Variants in ARHGEF10 observed in about 807,000 individuals in gnomAD.
The protein encoded by ARHGEF10 is Rho guanine nucleotide exchange factor (GEF) 10.
Under a neutral mutation model 147.4 loss-of-function variants are expected in ARHGEF10, and 140 were observed. The ratio of observed to expected loss-of-function variants is 0.95; its 90% CI spans 0.83 to 1.09. ARHGEF10 has a LOEUF of 1.09. Ranked by LOEUF, ARHGEF10 falls within the 50% of genes least tolerant of loss-of-function variation. The pLI, the probability that ARHGEF10 is intolerant of heterozygous loss-of-function variation, is 0.00. For missense variants in ARHGEF10, 2,222 were observed against 1,752.7 expected (o/e 1.27, Z -4.78); for synonymous variants, 902 against 695.8 (o/e 1.30, Z -4.67).
rs991010536 is a variant in ARHGEF10 at position 1,957,316 on chromosome 8, G to T, written c.*53G>T. Reference sequence around the variant, plus strand: ...ATTTGCAATCAAGGGTGACTTCTCAGCTAATCCTACAGCCTGAGTGGTTAA... The same window carrying T: ...ATTTGCAATCAAGGGTGACTTCTCATCTAATCCTACAGCCTGAGTGGTTAA... On this transcript the variant is annotated 3_prime_UTR_variant, in exon 29 of 29. Coordinates refer to ENST00000349830, the MANE Select transcript of ARHGEF10 (RefSeq NM_014629.4). The T allele has an allele frequency of 1.3e-6, 2 of 1,579,536 alleles. No individual in the cohort carries two copies. The highest frequency in any genetic ancestry group is 1.3e-5 in the African/African-American group (1 of 74,688).
intron 15 of ARHGEF10, among the ~76,000 whole-genome samples, chr8:1,900,333 A>G (rs936111937): frequency 6.6e-6 from 1 of 152,038 alleles, no homozygotes; most frequent in African/African-American, 2.4e-5. Context: ...GTTTCCATCC[A>G]CCTTCAGCCG....
At chr8:1,823,763 G>A (rs980275231), upstream of ARHGEF10, among the ~76,000 whole-genome samples, 1 of 151,866 alleles carries the variant, frequency 6.6e-6, no homozygotes. Flanking sequence ...CGGGCGTTGG[G>A]CAGCGGGAGG....
At position 1,956,819 on chromosome 8, in the gene ARHGEF10, C is replaced by T. The variant is rs199800515; in HGVS notation, c.3591C>T (p.His1197=). 23 of 1,614,048 alleles carry T rather than the reference C, an allele frequency of 1.4e-5. No individual in the cohort carries two copies. Among genetic ancestry groups the T allele is most frequent in the Middle Eastern group, 1.6e-4 (1 of 6,062 alleles). Residue 1197 remains histidine, a synonymous_variant, in exon 29 of 29, where the codon CAC becomes CAT. Coordinates refer to ENST00000349830, the MANE Select transcript of ARHGEF10 (RefSeq NM_014629.4). ...VKFIVLATAL[H]EKDKDKSRDS... ...TCATCGTCCTGGCCACGGCTCTGCA[C>T]GAGAAAGACAAGGACAAATCCAGGG...
intron 27 of ARHGEF10, 62 bp from the exon 28 acceptor site, chr8:1,952,643 C>T (rs1815146799): frequency 6.2e-7 from 1 of 1,605,020 alleles, no homozygotes; most frequent in East Asian, 2.2e-5. Flanking sequence ...AGCACCCCGT[C>T]ACCGCCCCAC....
chr8:1,935,054 T>G (rs1673895436), intron 26 of ARHGEF10, among the ~76,000 whole-genome samples: 1 of 152,178 alleles, frequency 6.6e-6, no homozygotes, highest in Admixed American at 6.5e-5. Flanking sequence ...AATAAACTCA[T>G]ACACATATAA....
chr8:1,939,164 C>A (rs1342989534), intron 26 of ARHGEF10, among the ~76,000 whole-genome samples: 2 of 152,234 alleles, frequency 1.3e-5, no homozygotes, highest in African/African-American at 2.4e-5. Context: ...CTTTCAGACA[C>A]CTTCAGAATC....
At chr8:1,835,752 G>A (rs1803541239) in intron 1 of ARHGEF10, among the ~76,000 whole-genome samples, 1 of 152,194 alleles carries the variant, frequency 6.6e-6, no homozygotes, top group Non-Finnish European at 1.5e-5. Context: ...CAGCGTCAGG[G>A]AGCGCAGTGG....
chr8:1,946,771 G>A (rs1368987402), intron 27 of ARHGEF10, among the ~76,000 whole-genome samples: 1 of 152,222 alleles, frequency 6.6e-6, no homozygotes, highest in South Asian at 2.1e-4. Flanking sequence ...GTGTGAGGCC[G>A]TCCTTTGACA....
chr8:1,868,805 A>T (rs892993519), intron 6 of ARHGEF10, among the ~76,000 whole-genome samples: 2 of 152,192 alleles, frequency 1.3e-5, no homozygotes, highest in Admixed American at 1.3e-4. Context: ...CGTCAACTTC[A>T]TAAGCTTAAA....
chr8:1,930,446 A>C (rs1316847687), intron 25 of ARHGEF10, among the ~76,000 whole-genome samples: 2 of 151,892 alleles, frequency 1.3e-5, no homozygotes, highest in Non-Finnish European at 2.9e-5. Context: ...CATTCTCCAA[A>C]TATTTGTTAT....
rs1199261496 is a variant in ARHGEF10, at chr8:1,893,647, G to A, written c.1260+1G>A. The A allele has an allele frequency of 1.9e-6, 3 of 1,603,446 alleles. No homozygotes were observed. The highest frequency in any genetic ancestry group is 2.6e-6 in the Non-Finnish European group (3 of 1,170,574). ...AGATGCTCTTAAGAGGATTTTGGAG[G>A]TACTTAAGTGTCGTGTTACATAATA... is the stretch of plus-strand genomic sequence containing the variant. On this transcript the variant is annotated splice_donor_variant, in intron 12 of 28. Coordinates refer to ENST00000349830, the MANE Select transcript of ARHGEF10 (RefSeq NM_014629.4). LOFTEE classifies it high-confidence loss of function.
chr8:1,921,754 A>G (rs1278435477), intron 18 of ARHGEF10, among the ~76,000 whole-genome samples: 1 of 152,008 alleles, frequency 6.6e-6, no homozygotes, highest in Non-Finnish European at 1.5e-5. Context: ...AGAAAAAAGA[A>G]AAAACAGAAT....
At chr8:1,897,224 A>G (rs142036384) in intron 14 of ARHGEF10, among the ~76,000 whole-genome samples, 32 of 152,360 alleles carry the variant, frequency 2.1e-4, no homozygotes, top group African/African-American at 7.7e-4. Flanking sequence ...ATTCTCGCCC[A>G]CAGCAACGTG....
Position 1,894,439 on chromosome 8 carries a change from A to G in ARHGEF10, c.1307A>G (p.Glu436Gly), listed in dbSNP as rs763825170. The G allele has an allele frequency of 6.2e-7, 1 of 1,614,240 alleles. No individual in the cohort carries two copies. Among genetic ancestry groups the G allele is most frequent in the Non-Finnish European group, 8.5e-7 (1 of 1,180,040 alleles). Residue 436 changes from glutamate to glycine, a missense_variant, in exon 13 of 29, where the codon GAG becomes GGG. Transcript: ENST00000349830. Reference sequence around the variant, plus strand: ...GAGATGGAGCCAAAGGTTCTGAGTGAGAGGAAGCTGAAGACGGTGTTCTAC... The same window carrying G: ...GAGATGGAGCCAAAGGTTCTGAGTGGGAGGAAGCTGAAGACGGTGTTCTAC... ...LSEMEPKVLS[E>G]RKLKTVFYRV...
chr8:1,839,234 G>T (rs1031623810), intron 1 of ARHGEF10, among the ~76,000 whole-genome samples: 1 of 149,102 alleles, frequency 6.7e-6, no homozygotes, highest in African/African-American at 2.5e-5. Flanking sequence ...TGTGGAAGCT[G>T]TCTGGTGTGG....
At chr8:1,848,006 G>A (rs1804686950) in intron 2 of ARHGEF10, among the ~76,000 whole-genome samples, 1 of 152,206 alleles carries the variant, frequency 6.6e-6, no homozygotes, top group Non-Finnish European at 1.5e-5. Context: ...ACGAGGGAAG[G>A]TGGCCCGGGA....
rs1585688367 is a variant in ARHGEF10 at position 1,957,426 on chromosome 8, A to G, written c.*163A>G. 5.1e-6 allele frequency: 5 copies of G among 984,658 alleles called. No homozygotes were observed. Among genetic ancestry groups the G allele is most frequent in the South Asian group, 3.2e-5 (2 of 62,484 alleles). The allele number at this position is 984,658 out of a possible 1,614,324, so 61.0% of individuals were successfully genotyped here. On this transcript the variant is annotated 3_prime_UTR_variant, in exon 29 of 29. Transcript: ENST00000349830. ...TAGCGTAATGGTGGTGTCCCTGCCA[A>G]TTCCTTCCTTCTCTTCTGTACAGCA... is the stretch of plus-strand genomic sequence containing the variant.
At chr8:1,925,752 C>G (rs546857836) in intron 22 of ARHGEF10, among the ~76,000 whole-genome samples, 1 of 152,108 alleles carries the variant, frequency 6.6e-6, no homozygotes, top group African/African-American at 2.4e-5. Flanking sequence ...CACAGTGGAT[C>G]GTAACTCCAG....
intron 25 of ARHGEF10, among the ~76,000 whole-genome samples, chr8:1,929,938 G>A (rs1016561286): frequency 9.2e-5 from 14 of 152,194 alleles, no homozygotes; most frequent in African/African-American, 2.9e-4. Flanking sequence ...GGCCCATCCC[G>A]CCTGGTCCCC....
Sources: gnomAD v4.1 joint callset for allele counts (sites outside exome capture counted in the v4.1 genomes callset) on GRCh38, gnomAD v4.1.1 for gene constraint, MANE v1.5 for transcripts, NCBI Gene and HGNC (gene_info 2026-07-23, HGNC 2026-07-21) for gene names.